RFC4: variants seen among roughly 807,000 people sequenced by gnomAD.
RFC4 encodes the protein replication factor C subunit 4.
Under a neutral mutation model 47.6 loss-of-function variants are expected in RFC4, and 38 were observed. The observed-to-expected ratio is 0.80, with a 90% CI of 0.62 to 1.05. The LOEUF (loss-of-function observed/expected upper bound fraction) is 1.05, where lower values mean the gene tolerates loss of function less well. Ranked by LOEUF, RFC4 falls within the 50% of genes least tolerant of loss-of-function variation. The pLI is 0.00. For synonymous variants in RFC4, 164 were observed against 150.0 expected (o/e 1.09, Z -0.68); for missense variants, 489 against 434.0 (o/e 1.13, Z -1.13).
intron 8 of RFC4, among the ~76,000 whole-genome samples, chr3:186,791,115 C>A (rs1722118627): frequency 1.3e-5 from 2 of 152,220 alleles, no homozygotes; most frequent in Admixed American, 1.3e-4. Flanking sequence ...TTATATACAA[C>A]TGGCAAAATA....
Position 186,794,279 on chromosome 3 carries a change from A to G in RFC4, c.410+379T>C, listed in dbSNP as rs575948405. Among the ~76,000 whole-genome samples, 9 of 152,372 alleles carry G rather than the reference A, an allele frequency of 5.9e-5. No individual in the cohort carries two copies. The South Asian group carries it at 1.9e-3, about 32-fold the overall frequency. ...AAGTATTAATGGTAGAAGGGATCTC[A>G]GAGTCTTTTAGTCCACCTCCCAGTC... On this transcript the variant is annotated intron_variant, in intron 5 of 10. Coordinates refer to ENST00000296273, the MANE Select transcript of RFC4 (RefSeq NM_002916.5).
chr3:186,791,483 CAAAA>C (rs141992818), intron 8 of RFC4: 5,535 of 413,804 alleles, frequency 0.013, 54 homozygotes, highest in East Asian at 0.077. Context: ...AAAAAAAAAA[CAAAA>C]AAACTAACAA....
Position 186,793,543 on chromosome 3 carries a change from A to G in RFC4, c.411-596T>C, listed in dbSNP as rs1197115600. Among the ~76,000 whole-genome samples the G allele has an allele frequency of 6.6e-6, 1 of 152,138 alleles. No individual in the cohort carries two copies. The highest frequency in any genetic ancestry group is 2.4e-5 in the African/African-American group (1 of 41,424). ...CAACCAGCAATGTATGCGGTTTACC[A>G]TTTCTCCACATCCTTGTCAATGCTA... is the stretch of plus-strand genomic sequence containing the variant. On this transcript the variant is annotated intron_variant, in intron 5 of 10. Coordinates refer to ENST00000296273, the MANE Select transcript of RFC4 (RefSeq NM_002916.5). This position sits in a 1 kb window ranked among gnomAD's most constrained non-coding sequence, Gnocchi z 4.2.
chr3:186,806,226 C>G (rs185553043), intron 1 of RFC4, 64 bp downstream of exon 1: 2 of 152,202 alleles, frequency 1.3e-5, no homozygotes, highest in Non-Finnish European at 2.9e-5. Context: ...GAAGACCTCA[C>G]AAGGGGCATC....
rs559799638 is a variant in RFC4 at position 186,790,461 on chromosome 3, A to G, written c.802-55T>C. 107 of 1,185,496 alleles carry G rather than the reference A, an allele frequency of 9.0e-5. No individual in the cohort carries two copies. In the African/African-American group the frequency reaches 1.3e-3, roughly 14 times the overall value. 73.4% of individuals were successfully genotyped at this position (1,185,496 alleles called of 1,614,324 possible). A position where few individuals can be genotyped will look rare whatever the true frequency, so the allele number is the denominator to read the frequency against. On this transcript the variant is annotated intron_variant, in intron 8 of 10. Transcript: ENST00000296273. ...TGTTTCTAGGTGAGACTAGACATAC[A>G]CTCTGCCAACTGGCCCCCGTGCCCC...
chr3:186,792,994 GT>G, intron 5 of RFC4, 47 bp from the exon 6 acceptor site: 1 of 1,515,510 alleles, frequency 6.6e-7, no homozygotes, highest in Non-Finnish European at 9.0e-7. Flanking sequence ...ATGTATATTG[GT>G]TTTAACAGCT....
intron 8 of RFC4, 129 bp downstream of exon 8, chr3:186,791,596 G>A (rs1343845277): frequency 2.4e-6 from 2 of 825,798 alleles, no homozygotes; most frequent in Non-Finnish European, 4.2e-6. Context: ...ATACTCCCAG[G>A]TTATTCCCTT....
intron 3 of RFC4, among the ~76,000 whole-genome samples, chr3:186,798,428 T>C (rs760724894): frequency 1.3e-4 from 20 of 152,156 alleles, no homozygotes; most frequent in Non-Finnish European, 5.9e-5. Context: ...AACTAGGCAT[T>C]AGAGTTTGTT....
At chr3:186,801,976 T>C (rs1722366888) in intron 2 of RFC4, among the ~76,000 whole-genome samples, 1 of 141,436 alleles carries the variant, frequency 7.1e-6, no homozygotes. Flanking sequence ...TGAGCCGAGA[T>C]CGTATCATTG....
At position 186,794,684 on chromosome 3, in the gene RFC4, T is replaced by C. The variant is rs149696576; in HGVS notation, c.384A>G (p.Gln128=). 13 of 1,614,022 alleles carry C rather than the reference T, an allele frequency of 8.1e-6. No homozygotes were observed. The African/African-American group carries it at 1.6e-4, about 20-fold the overall frequency. Reference sequence around the variant, plus strand: ...CTGAGCGACTTCCTGACACAGTTAATTGAGCAAAATTTTTCACTTTCTCTC... The same window carrying C: ...CTGAGCGACTTCCTGACACAGTTAACTGAGCAAAATTTTTCACTTTCTCTC... ...VVREKVKNFA[Q]LTVSGSRSDG... Residue 128 remains glutamine, a synonymous_variant, in exon 5 of 11, where the codon CAA becomes CAG. Coordinates refer to ENST00000296273, the MANE Select transcript of RFC4 (RefSeq NM_002916.5).
intron 3 of RFC4, among the ~76,000 whole-genome samples, chr3:186,799,720 AAAAAAAAC>A (rs1722312835): frequency 6.6e-6 from 1 of 151,866 alleles, no homozygotes; most frequent in Non-Finnish European, 1.5e-5. Context: ...CTCAATTACA[AAAAAAAAC>A]AAAAAAACAA....
intron 8 of RFC4, 128 bp from the exon 9 acceptor site, chr3:186,790,534 T>G (rs1722084082): frequency 1.4e-6 from 1 of 712,446 alleles, no homozygotes; most frequent in Non-Finnish European, 2.5e-6. Flanking sequence ...CTGGGAAGGC[T>G]TTGGGAGAAC....
rs904851671 is a variant in RFC4 at position 186,790,346 on chromosome 3, T to C, written c.862A>G (p.Lys288Glu). ...FAACQSGSFD[K>E]LEAVVKDLID... ...TTTACCTTGACCACAGCTTCTAGTT[T>C]GTCAAAAGAGCCACTCTGACAGGCA... The change falls in exon 9 of 11, where the codon AAA becomes GAA. Residue 288 changes from lysine to glutamate, a missense_variant. This residue lies in a region of RFC4 where 283 missense variants were observed against 176.2 expected (regional missense o/e 1.61). Coordinates refer to ENST00000296273, the MANE Select transcript of RFC4 (RefSeq NM_002916.5). 36 of 1,613,902 alleles carry C rather than the reference T, an allele frequency of 2.2e-5. No individual in the cohort carries two copies. The highest frequency in any genetic ancestry group is 2.5e-5 in the Non-Finnish European group (30 of 1,179,854).
intron 2 of RFC4, among the ~76,000 whole-genome samples, chr3:186,802,575 T>C (rs1041313690): frequency 1.3e-5 from 2 of 152,210 alleles, no homozygotes; most frequent in African/African-American, 2.4e-5. Context: ...TGAAGTATCA[T>C]ATATAATTTT....
Position 186,789,918 on chromosome 3 carries a change from TTTTATTACAACTTCATTA to T in RFC4, c.*33_*50del, listed in dbSNP as rs1370658497. Reference sequence around the variant, plus strand: ...TTAAAGGTGCTTTTGGTCATTTTATTTTTATTACAACTTCATTATTTACAAAACCCCCCATCCAGATAT... The same window carrying T: ...TTAAAGGTGCTTTTGGTCATTTTATTTTTACAAAACCCCCCATCCAGATAT... On this transcript the variant is annotated 3_prime_UTR_variant, in exon 11 of 11. Coordinates refer to ENST00000296273, the MANE Select transcript of RFC4 (RefSeq NM_002916.5). 2 of 1,188,598 alleles carry T rather than the reference TTTTATTACAACTTCATTA, an allele frequency of 1.7e-6. No individual in the cohort carries two copies. The highest frequency in any genetic ancestry group is 4.0e-5 in the Admixed American group (2 of 50,594). 73.6% of individuals were successfully genotyped at this position (1,188,598 alleles called of 1,614,324 possible).
Position 186,801,198 on chromosome 3 carries a change from T to A in RFC4, c.132-3A>T. 2 of 1,613,376 alleles carry A rather than the reference T, an allele frequency of 1.2e-6. No homozygotes were observed. The highest frequency in any genetic ancestry group is 1.7e-6 in the Non-Finnish European group (2 of 1,179,298). Reference sequence around the variant, plus strand: ...CTTCATCCACACATTTTGGGCGACTTGCGGGGTGAGAAGGAGGAAAGAGGT... The same window carrying A: ...CTTCATCCACACATTTTGGGCGACTAGCGGGGTGAGAAGGAGGAAAGAGGT... On this transcript the variant is annotated splice_region_variant and splice_polypyrimidine_tract_variant and intron_variant, in intron 2 of 10. Transcript: ENST00000296273.
At chr3:186,794,095 A>G (rs1380496879) in intron 5 of RFC4, among the ~76,000 whole-genome samples, 1 of 152,192 alleles carries the variant, frequency 6.6e-6, no homozygotes, top group African/African-American at 2.4e-5. Context: ...TCTAGATATA[A>G]GTACCTTTTT....
At chr3:186,791,298 A>G (rs566563223) in intron 8 of RFC4, 2 of 206,526 alleles carry the variant, frequency 9.7e-6, no homozygotes, top group Admixed American at 1.0e-4. Context: ...CAGCCTGGTC[A>G]ACCAACATCG....
At chr3:186,790,961 G>A (rs758638032) in intron 8 of RFC4, among the ~76,000 whole-genome samples, 12 of 152,284 alleles carry the variant, frequency 7.9e-5, no homozygotes, top group South Asian at 2.1e-4. Context: ...AAGGCCTACC[G>A]TGCAGGTGAA....
Sources: allele counts gnomAD v4.1 joint callset (sites outside exome capture counted in the v4.1 genomes callset), GRCh38; gene constraint gnomAD v4.1.1; regional missense constraint gnomAD v4.1.1; non-coding constraint Gnocchi (gnomAD v3.1); transcripts MANE v1.5; gene names NCBI Gene and HGNC (gene_info 2026-07-23, HGNC 2026-07-21).